Variants in SNTG2 observed in about 807,000 individuals in gnomAD.
SNTG2 encodes the protein syntrophin gamma 2.
Under a neutral mutation model 70.9 loss-of-function variants are expected in SNTG2, and 74 were observed. The observed-to-expected ratio is 1.04, with a 90% confidence interval of 0.86 to 1.27. The LOEUF is 1.27. Ranked by LOEUF, SNTG2 falls within the 50% of genes most tolerant of loss-of-function variation. The pLI is 0.00. For missense variants in SNTG2, 717 were observed against 690.7 expected (o/e 1.04, Z -0.43); for synonymous variants, 278 against 273.8 (o/e 1.02, Z -0.15).
chr2:1,045,336 A>C (rs532778909), intron 1 of SNTG2, among the ~76,000 whole-genome samples: 12 of 151,788 alleles, frequency 7.9e-5, no homozygotes, highest in African/African-American at 2.4e-4. Context: ...CTAAAAAAAA[A>C]CTTTTGGTTT....
At chr2:1,218,119 A>T (rs1674519511) in intron 9 of SNTG2, among the ~76,000 whole-genome samples, 1 of 151,916 alleles carries the variant, frequency 6.6e-6, no homozygotes, top group Non-Finnish European at 1.5e-5. Flanking sequence ...TGACATGGTC[A>T]CCCTCTGCCC....
At chr2:1,139,783 G>C (rs547003503) in intron 6 of SNTG2, among the ~76,000 whole-genome samples, 1 of 137,544 alleles carries the variant, frequency 7.3e-6, no homozygotes, top group Non-Finnish European at 1.5e-5. Context: ...AGCTATTATG[G>C]CTCCCTACAC....
At chr2:979,015 G>T (rs1162594717) in intron 1 of SNTG2, among the ~76,000 whole-genome samples, 1 of 152,212 alleles carries the variant, frequency 6.6e-6, no homozygotes, top group Non-Finnish European at 1.5e-5. Context: ...GTAAACCAAG[G>T]CCCTGCTCTT....
At chr2:1,269,866 A>G (rs1306987165) in intron 14 of SNTG2, among the ~76,000 whole-genome samples, 1 of 152,170 alleles carries the variant, frequency 6.6e-6, no homozygotes, top group Non-Finnish European at 1.5e-5. Context: ...ACACCTGCAG[A>G]GACTGTAAGT....
At chr2:1,182,340 C>T (rs1671962028) in intron 8 of SNTG2, among the ~76,000 whole-genome samples, 2 of 119,790 alleles carry the variant, frequency 1.7e-5, no homozygotes, top group Admixed American at 9.7e-5. Flanking sequence ...TAAATCCCTG[C>T]TTTTCTAACT....
At chr2:1,006,570 C>T (rs917898976) in intron 1 of SNTG2, among the ~76,000 whole-genome samples, 6 of 152,114 alleles carry the variant, frequency 3.9e-5, no homozygotes, top group African/African-American at 9.7e-5. Context: ...CCGCCACATC[C>T]GTGGGTTCAA....
chr2:963,922 CTTT>C (rs920982705), intron 1 of SNTG2, among the ~76,000 whole-genome samples: 8 of 152,126 alleles, frequency 5.3e-5, no homozygotes, highest in Admixed American at 2.0e-4. Context: ...TTTGTTTCTT[CTTT>C]TTGTTTCTTC....
intron 1 of SNTG2, among the ~76,000 whole-genome samples, chr2:982,836 C>T (rs1471099627): frequency 6.6e-6 from 1 of 152,100 alleles, no homozygotes; most frequent in Non-Finnish European, 1.5e-5. Flanking sequence ...ATGGAAGTCC[C>T]AAGGTGCAGA....
intron 10 of SNTG2, among the ~76,000 whole-genome samples, chr2:1,238,810 G>A (rs1457085547): frequency 1.3e-5 from 2 of 152,202 alleles, no homozygotes; most frequent in Non-Finnish European, 2.9e-5. Context: ...GCAGAGGCTG[G>A]GTCCAGCTTG....
At chr2:1,253,409 ATCG>A (rs1249059183) in intron 12 of SNTG2, among the ~76,000 whole-genome samples, 2 of 152,230 alleles carry the variant, frequency 1.3e-5, no homozygotes, top group African/African-American at 4.8e-5. Flanking sequence ...TCACTGCACC[ATCG>A]TCCTTCATTC....
intron 2 of SNTG2, among the ~76,000 whole-genome samples, chr2:1,087,796 A>G (rs944854609): frequency 6.6e-6 from 1 of 152,220 alleles, no homozygotes; most frequent in Non-Finnish European, 1.5e-5. Flanking sequence ...TATTGCTTCT[A>G]TAACAACCAA....
Position 1,349,634 on chromosome 2 carries a change from C to A in SNTG2, c.1489-17709C>A, listed in dbSNP as rs1055006560. ...GGCCATCAGCTTGTGAGGTTAGAAGCAAGGTGGGGTCACTTATGCTACTTT... is the reference window on the plus strand; with the variant it reads ...GGCCATCAGCTTGTGAGGTTAGAAGAAAGGTGGGGTCACTTATGCTACTTT... On this transcript the variant is annotated intron_variant, in intron 16 of 16. Coordinates refer to ENST00000308624, the MANE Select transcript of SNTG2 (RefSeq NM_018968.4). 2.0e-5 allele frequency among the ~76,000 whole-genome samples: 3 copies of A among 152,212 alleles called. No homozygotes were observed. In the East Asian group the frequency reaches 5.8e-4, roughly 29 times the overall value.
At chr2:1,052,678 G>A (rs1333473418) in intron 1 of SNTG2, among the ~76,000 whole-genome samples, 10 of 152,182 alleles carry the variant, frequency 6.6e-5, no homozygotes, top group Admixed American at 6.5e-4. Flanking sequence ...AGGATCACTG[G>A]CCATGTCGTC....
chr2:1,354,511 C>T (rs531718119), intron 16 of SNTG2, among the ~76,000 whole-genome samples: 1 of 66,940 alleles, frequency 1.5e-5, no homozygotes, highest in African/African-American at 5.4e-5. Flanking sequence ...CCTGAGCCTC[C>T]GCTTTCTCAT....
At chr2:1,057,960 G>A (rs1389107877) in intron 1 of SNTG2, among the ~76,000 whole-genome samples, 1 of 152,132 alleles carries the variant, frequency 6.6e-6, no homozygotes, top group Non-Finnish European at 1.5e-5. Context: ...CCCAGGGGTT[G>A]AGGCTGCAGT....
At chr2:1,116,244 A>G (rs1273537611) in intron 4 of SNTG2, among the ~76,000 whole-genome samples, 1 of 152,218 alleles carries the variant, frequency 6.6e-6, no homozygotes, top group African/African-American at 2.4e-5. Flanking sequence ...CCTAATTGAA[A>G]AGATTGTGTG....
intron 14 of SNTG2, among the ~76,000 whole-genome samples, chr2:1,290,292 G>GGA (rs1679935647): frequency 1.3e-5 from 2 of 151,138 alleles, no homozygotes; most frequent in South Asian, 4.2e-4. Context: ...GACAGAGAGG[G>GGA]AGCATGAAGG....
At chr2:1,035,677 T>C (rs1242010147) in intron 1 of SNTG2, among the ~76,000 whole-genome samples, 1 of 152,230 alleles carries the variant, frequency 6.6e-6, no homozygotes, top group African/African-American at 2.4e-5. Flanking sequence ...TTTTTGTTGC[T>C]GGAAAATCTG....
At chr2:1,259,229 T>A in intron 12 of SNTG2, 141 bp from the exon 13 acceptor site, 1 of 688,000 alleles carries the variant, frequency 1.5e-6, no homozygotes, top group Non-Finnish European at 2.5e-6. Flanking sequence ...GTACGTAAAG[T>A]TTAATGTTAC....
Sources: allele counts gnomAD v4.1 joint callset (sites outside exome capture counted in the v4.1 genomes callset), GRCh38; gene constraint gnomAD v4.1.1; transcripts MANE v1.5; gene names NCBI Gene and HGNC (gene_info 2026-07-23, HGNC 2026-07-21).